WDR33: variants seen among roughly 807,000 people sequenced by gnomAD.
WDR33 encodes WD repeat domain 33.
WDR33 carries 47 observed loss-of-function variants against 164.9 expected under a neutral mutation model. The observed-to-expected ratio is 0.29, with a 90% CI of 0.23 to 0.36. WDR33 has a LOEUF of 0.36. Ranked by LOEUF, WDR33 falls within the 10% of genes least tolerant of loss-of-function variation. The pLI is 1.00. For missense variants in WDR33, 1,137 were observed against 1,754.1 expected (o/e 0.65, Z 6.28); for synonymous variants, 505 against 589.0 (o/e 0.86, Z 2.06).
intron 7 of WDR33, among the ~76,000 whole-genome samples, chr2:127,758,032 A>G (rs561053212): frequency 6.6e-6 from 1 of 152,192 alleles, no homozygotes. Context: ...GAAAACTAAA[A>G]ACTCCTGCGT....
At chr2:127,762,684 A>G (rs1192192102) in intron 7 of WDR33, 1 of 1,015,732 alleles carries the variant, frequency 9.8e-7, no homozygotes, top group Non-Finnish European at 1.2e-6. Context: ...CGGTTAATTC[A>G]TATTGTAAAA....
chr2:127,805,068 C>CTTTTT lies in WDR33; in HGVS notation c.-24+5939_-24+5943dup, dbSNP rs201681607. On this transcript the variant is annotated intron_variant, in intron 1 of 21. Coordinates refer to ENST00000322313, the MANE Select transcript of WDR33 (RefSeq NM_018383.5). ...CGTATCATCACCTGTGAAGTTTTTT[C>CTTTTT]TTTTTTTTTTTTTTTTTTTTTTTTT... Among the ~76,000 whole-genome samples, 367 of 84,436 alleles carry CTTTTT rather than the reference C, an allele frequency of 4.3e-3. 20 individuals are homozygous for CTTTTT. Among genetic ancestry groups the CTTTTT allele is most frequent in the African/African-American group, 0.011 (221 of 19,918 alleles). The allele number at this position is 84,436 out of a possible 152,430, so 55.4% of individuals were successfully genotyped here. A position where few individuals can be genotyped will look rare whatever the true frequency, so the allele number is the denominator to read the frequency against.
chr2:127,711,153 A>G (rs6430946), intron 18 of WDR33, among the ~76,000 whole-genome samples: 66,526 of 151,984 alleles, frequency 0.44, 15,369 homozygotes, highest in African/African-American at 0.58. Context: ...GGCCGGGCAC[A>G]GTGGCTCACA....
At position 127,735,965 on chromosome 2, in the gene WDR33, C is replaced by CT. The variant is rs1686828677; in HGVS notation, c.725-9189dup. On this transcript the variant is annotated intron_variant, in intron 7 of 21. Coordinates refer to ENST00000322313, the MANE Select transcript of WDR33 (RefSeq NM_018383.5). The surrounding 1 kb of genome is among the most constrained non-coding windows in gnomAD (Gnocchi z 4.3). Reference sequence around the variant, plus strand: ...AGTTAATTCTGGAAAGGGGGTATGCCTAGGCAGGGCAGTGTTTTCACAATG... The same window carrying CT: ...AGTTAATTCTGGAAAGGGGGTATGCCTTAGGCAGGGCAGTGTTTTCACAATG... 1 of 985,240 alleles carries CT rather than the reference C, an allele frequency of 1.0e-6. No individual in the cohort carries two copies. Among genetic ancestry groups the CT allele is most frequent in the Non-Finnish European group, 1.2e-6 (1 of 829,924 alleles). 61.0% of individuals were successfully genotyped at this position (985,240 alleles called of 1,614,324 possible).
At chr2:127,793,104 C>T (rs1263898936) in intron 1 of WDR33, among the ~76,000 whole-genome samples, 1 of 152,118 alleles carries the variant, frequency 6.6e-6, no homozygotes, top group African/African-American at 2.4e-5. Flanking sequence ...AAATTTATTT[C>T]ACAGGTAATA....
intron 1 of WDR33, among the ~76,000 whole-genome samples, chr2:127,781,157 C>G (rs142473449): frequency 0.014 from 2,172 of 152,298 alleles, 64 homozygotes; most frequent in African/African-American, 0.05. Context: ...AGCCACCATG[C>G]CCGGCCCAAT....
At position 127,768,946 on chromosome 2, in the gene WDR33, C is replaced by T. The variant is rs767754321; in HGVS notation, c.260G>A (p.Gly87Asp). 1 of 1,592,750 alleles carries T rather than the reference C, an allele frequency of 6.3e-7. No homozygotes were observed. The highest frequency in any genetic ancestry group is 1.7e-5 in the Admixed American group (1 of 57,294). ...RDMRAIQPDA[G>D]YYNDLVPPIG... ...TCATGTACTTACATCATTGTAATAA[C>T]CTGCATCAGGCTGAATTGCCCGCAT... The change falls in exon 3 of 22, where the codon GGT (glycine) becomes GAT (aspartate). Residue 87 changes from glycine (G) to aspartate (D), a missense_variant. By Grantham distance (94) the Gly-to-Asp change is moderately conservative. This residue lies in a region of WDR33 where 55 missense variants were observed against 84.6 expected (regional missense o/e 0.65). Transcript: ENST00000322313.
intron 7 of WDR33, among the ~76,000 whole-genome samples, chr2:127,746,928 GAC>G (rs1459044481): frequency 6.6e-6 from 1 of 152,118 alleles, no homozygotes; most frequent in Non-Finnish European, 1.5e-5. Flanking sequence ...CCTATGAAAA[GAC>G]ACAGTAAACT....
chr2:127,810,065 T>C (rs1689593294), intron 1 of WDR33, among the ~76,000 whole-genome samples: 1 of 151,934 alleles, frequency 6.6e-6, no homozygotes. Flanking sequence ...CACACACACA[T>C]ATATACACAT....
chr2:127,768,304 G>A lies in WDR33; in HGVS notation c.274-11C>T, dbSNP rs756524288. 6.0e-6 allele frequency: 9 copies of A among 1,504,396 alleles called. No individual in the cohort carries two copies. In the African/African-American group the frequency reaches 8.4e-5, roughly 14 times the overall value. The allele number at this position is 1,504,396 out of a possible 1,614,324, so 93.2% of individuals were successfully genotyped here. On this transcript the variant is annotated splice_polypyrimidine_tract_variant and intron_variant, in intron 3 of 21. Coordinates refer to ENST00000322313, the MANE Select transcript of WDR33 (RefSeq NM_018383.5). ...TATAGGTGGGACCAGCTACAAAAAA[G>A]GAAAATTGGGTTCTTAGAGCTCCTG... is the stretch of plus-strand genomic sequence containing the variant.
chr2:127,763,780 G>A lies in WDR33; in HGVS notation c.627-621C>T. 1.0e-6 allele frequency: 1 copy of A among 985,498 alleles called. No homozygotes were observed. The highest frequency in any genetic ancestry group is 1.2e-6 in the Non-Finnish European group (1 of 830,004). 61.0% of individuals were successfully genotyped at this position (985,498 alleles called of 1,614,324 possible). On this transcript the variant is annotated intron_variant, in intron 6 of 21. Coordinates refer to ENST00000322313, the MANE Select transcript of WDR33 (RefSeq NM_018383.5). The surrounding 1 kb of genome is among the most constrained non-coding windows in gnomAD (Gnocchi z 4.5). Reference sequence around the variant, plus strand: ...ACTTGTGTGTAAAGCCAAAGAATCTGCTGCAAGAAGGAGTCAGTTTTTCCC... The same window carrying A: ...ACTTGTGTGTAAAGCCAAAGAATCTACTGCAAGAAGGAGTCAGTTTTTCCC...
intron 7 of WDR33, among the ~76,000 whole-genome samples, chr2:127,743,500 C>A (rs1000210993): frequency 6.6e-6 from 1 of 152,134 alleles, no homozygotes; most frequent in East Asian, 1.9e-4. Context: ...TCATTCATAG[C>A]AGAAATGCTA....
At chr2:127,783,884 G>A (rs1294381560) in intron 1 of WDR33, among the ~76,000 whole-genome samples, 1 of 151,718 alleles carries the variant, frequency 6.6e-6, no homozygotes, top group African/African-American at 2.4e-5. Context: ...GGGATTACAA[G>A]AGTGAGCCAC....
rs1336052790 is a variant in WDR33, at chr2:127,720,602, T to C, written c.1672-249A>G. On this transcript the variant is annotated intron_variant, in intron 15 of 21. Transcript: ENST00000322313. The surrounding 1 kb of genome is among the most constrained non-coding windows in gnomAD (Gnocchi z 5.9). ...TTTTTTTCCTTATTTTTTTTTTCTG[T>C]CCCCCAAGCTGGAATGCAGTGGTAC... is the stretch of plus-strand genomic sequence containing the variant. Among the ~76,000 whole-genome samples, 1 of 151,880 alleles carries C rather than the reference T, an allele frequency of 6.6e-6. No individual in the cohort carries two copies. Among genetic ancestry groups the C allele is most frequent in the East Asian group, 1.9e-4 (1 of 5,192 alleles).
Position 127,729,747 on chromosome 2 carries a change from G to A in WDR33, c.725-2970C>T, listed in dbSNP as rs370618576. 2.2e-4 allele frequency among the ~76,000 whole-genome samples: 33 copies of A among 152,196 alleles called. No homozygotes were observed. The South Asian group carries it at 6.8e-3, about 32-fold the overall frequency. ...CCTGGCCTCGTGATCCGCCCACCTC[G>A]GCCTCCCAAAGTGTTGGGATTACAG... On this transcript the variant is annotated intron_variant, in intron 7 of 21. Coordinates refer to ENST00000322313, the MANE Select transcript of WDR33 (RefSeq NM_018383.5).
intron 3 of WDR33, among the ~76,000 whole-genome samples, chr2:127,768,541 A>G (rs1687893308): frequency 6.6e-6 from 1 of 152,210 alleles, no homozygotes; most frequent in Admixed American, 6.5e-5. Context: ...CTAACCCAGT[A>G]CAAGTTAGTA....
At chr2:127,776,305 A>C (rs775201792) in intron 1 of WDR33, among the ~76,000 whole-genome samples, 12 of 152,140 alleles carry the variant, frequency 7.9e-5, no homozygotes, top group Non-Finnish European at 7.4e-5. Context: ...CAGCCTCCAG[A>C]ACTGAGAAGA....
Position 127,721,012 on chromosome 2 carries a change from G to A in WDR33, c.1672-659C>T, listed in dbSNP as rs1266921227. On this transcript the variant is annotated intron_variant, in intron 15 of 21. Transcript: ENST00000322313. This position sits in a 1 kb window ranked among gnomAD's most constrained non-coding sequence, Gnocchi z 4.9. ...AGGAAAAACTCTTTCATAAACAGGT[G>A]AATTCAAATTAAAACTATGTTGGCT... Among the ~76,000 whole-genome samples the A allele has an allele frequency of 1.3e-5, 2 of 152,190 alleles. No homozygotes were observed. The highest frequency in any genetic ancestry group is 2.9e-5 in the Non-Finnish European group (2 of 68,028).
chr2:127,761,832 G>A (rs989710718), intron 7 of WDR33, among the ~76,000 whole-genome samples: 2 of 152,162 alleles, frequency 1.3e-5, no homozygotes, highest in Admixed American at 6.5e-5. Flanking sequence ...CCCTCAATGT[G>A]ACAGGTTCCC....
Sources: allele counts gnomAD v4.1 joint callset (sites outside exome capture counted in the v4.1 genomes callset), GRCh38; gene constraint gnomAD v4.1.1; regional missense constraint gnomAD v4.1.1; non-coding constraint Gnocchi (gnomAD v3.1); transcripts MANE v1.5; gene names NCBI Gene and HGNC (gene_info 2026-07-23, HGNC 2026-07-21).